DHRS9: variants seen among roughly 807,000 people sequenced by gnomAD.
DHRS9 encodes dehydrogenase/reductase 9, also known as dehydrogenase/reductase SDR family member 9.
DHRS9 carries 18 observed loss-of-function variants against 26.6 expected under a neutral mutation model. The observed-to-expected ratio is 0.68, with a 90% confidence interval of 0.47 to 1.00. DHRS9 has a LOEUF of 1.00. DHRS9 is among the 50% of genes least tolerant of loss of function. DHRS9 has a pLI of 0.00. For synonymous variants in DHRS9, 134 were observed against 141.1 expected (o/e 0.95, Z 0.36); for missense variants, 425 against 378.7 (o/e 1.12, Z -1.01).
chr2:169,081,870 G>A lies in DHRS9; in HGVS notation c.289G>A (p.Val97Met), dbSNP rs752680649. Residue 97 changes from valine to methionine, a missense_variant, in exon 2 of 5, where the codon GTG (valine) becomes ATG (methionine). Coordinates refer to ENST00000674881, the MANE Select transcript of DHRS9 (RefSeq NM_001376924.1). The part of the protein sequence containing the change: ...PENVKRTAQW[V>M]KNQVGEKGLW... ...GAATGTCAAGAGGACTGCCCAGTGG[G>A]TGAAGAACCAAGTTGGGGAGAAAGG... The A allele has an allele frequency of 6.2e-6, 10 of 1,608,860 alleles. No individual in the cohort carries two copies. In the Admixed American group the frequency reaches 6.7e-5, roughly 11 times the overall value.
intron 1 of DHRS9, among the ~76,000 whole-genome samples, chr2:169,080,047 A>AAGAAAGAAAGAAAGAAAGAG (rs1684135367): frequency 6.9e-6 from 1 of 144,156 alleles, no homozygotes; most frequent in African/African-American, 2.6e-5. Flanking sequence ...GAAAGAAAGA[A>AAGAAAGAAAGAAAGAAAGAG]AGAAAATAAA....
chr2:169,067,392 T>G (rs550235740), upstream of DHRS9: 4 of 1,385,950 alleles, frequency 2.9e-6, no homozygotes, highest in African/African-American at 5.8e-5. Flanking sequence ...CTGAGTTTCC[T>G]CCTTATGTTT....
Position 169,081,677 on chromosome 2 carries a change from T to A in DHRS9, c.96T>A (p.Ile32=). Residue 32 remains isoleucine, a synonymous_variant, in exon 2 of 5, where the codon ATT becomes ATA. Coordinates refer to ENST00000674881, the MANE Select transcript of DHRS9 (RefSeq NM_001376924.1). The part of the protein sequence containing the change: ...LKIEDITDKY[I]FITGCDSGFG... ...TTGAAGACATCACTGATAAGTACAT[T>A]TTTATCACTGGATGTGACTCGGGCT... 1 of 1,614,178 alleles carries A rather than the reference T, an allele frequency of 6.2e-7. No individual in the cohort carries two copies. Among genetic ancestry groups the A allele is most frequent in the Non-Finnish European group, 8.5e-7 (1 of 1,180,034 alleles).
rs939178980 is a variant in DHRS9, at chr2:169,086,983, T to C, written c.572+3396T>C. Among the ~76,000 whole-genome samples, 29 of 152,120 alleles carry C rather than the reference T, an allele frequency of 1.9e-4. 1 individual carries two copies. The highest frequency in any genetic ancestry group is 1.9e-3 in the Admixed American group (29 of 15,272). The stretch of plus-strand genomic sequence containing the variant: ...TCTGTAATATTGCCTGGCTACTGCC[T>C]ATGTTTACTCAAAGCCCTGAGGCTC... On this transcript the variant is annotated intron_variant, in intron 3 of 4. Coordinates refer to ENST00000674881, the MANE Select transcript of DHRS9 (RefSeq NM_001376924.1).
At chr2:169,078,874 A>T (rs564884023) in intron 1 of DHRS9, among the ~76,000 whole-genome samples, 1 of 124,844 alleles carries the variant, frequency 8.0e-6, no homozygotes, top group East Asian at 2.5e-4. Flanking sequence ...CCAGGGCTGG[A>T]GTGCAATGGC....
intron 1 of DHRS9, chr2:169,072,811 G>T (rs777292323): frequency 1.1e-4 from 25 of 236,822 alleles, no homozygotes; most frequent in Non-Finnish European, 1.4e-4. Flanking sequence ...TCTCTTTGCA[G>T]TTCTTCCTTC....
chr2:169,072,047 GTTT>G (rs939936600), intron 1 of DHRS9, among the ~76,000 whole-genome samples: 1 of 142,630 alleles, frequency 7.0e-6, no homozygotes, highest in East Asian at 2.0e-4. Context: ...ACAAAAACCA[GTTT>G]TTTTTTACTT....
chr2:169,071,427 CA>C (rs1223362655), intron 1 of DHRS9, among the ~76,000 whole-genome samples: 1 of 152,092 alleles, frequency 6.6e-6, no homozygotes, highest in Admixed American at 6.5e-5. Context: ...TGAAGGAAGG[CA>C]AAAGAAAATC....
At chr2:169,073,641 C>A (rs910019999) in intron 1 of DHRS9, among the ~76,000 whole-genome samples, 5 of 152,008 alleles carry the variant, frequency 3.3e-5, no homozygotes, top group Non-Finnish European at 7.4e-5. Flanking sequence ...GACACAGAGC[C>A]AAACCATATC....
In DHRS9 at chr2:169,095,933, C is replaced by G. The variant is rs1299956765; in HGVS notation, c.*166C>G. 1.5e-6 allele frequency: 1 copy of G among 662,530 alleles called. No homozygotes were observed. Among genetic ancestry groups the G allele is most frequent in the Non-Finnish European group, 2.6e-6 (1 of 385,022 alleles). The allele number at this position is 662,530 out of a possible 1,614,324, so 41.0% of individuals were successfully genotyped here. On this transcript the variant is annotated 3_prime_UTR_variant, in exon 5 of 5. Coordinates refer to ENST00000674881, the MANE Select transcript of DHRS9 (RefSeq NM_001376924.1). ...ACCATCGCTGGTGGTATCCCAGGGT[C>G]CCTGCTCAAGTTTTCTTTGAAAAGG... is the stretch of plus-strand genomic sequence containing the variant.
intron 1 of DHRS9, chr2:169,070,302 C>T (rs1683760443): frequency 1.9e-5 from 19 of 985,282 alleles, no homozygotes; most frequent in Non-Finnish European, 2.2e-5. Flanking sequence ...CAGCAATAAG[C>T]CTGCTTTAGA....
upstream of DHRS9, chr2:169,067,286 T>C (rs1294930720): frequency 3.9e-6 from 6 of 1,534,478 alleles, no homozygotes; most frequent in African/African-American, 4.1e-5. Context: ...TTTCCTCCAG[T>C]TGAAGCTCAT....
rs1419622491 is a variant in DHRS9, at chr2:169,096,089, A to G, written c.*322A>G. 13 of 336,118 alleles carry G rather than the reference A, an allele frequency of 3.9e-5. 1 individual carries two copies. The highest frequency in any genetic ancestry group is 2.3e-4 in the African/African-American group (11 of 47,910). The allele number at this position is 336,118 out of a possible 1,614,324, so 20.8% of individuals were successfully genotyped here. A position where few individuals can be genotyped will look rare whatever the true frequency, so the allele number is the denominator to read the frequency against. On this transcript the variant is annotated 3_prime_UTR_variant, in exon 5 of 5. Transcript: ENST00000674881. Reference sequence around the variant, plus strand: ...CTTTACCGTGGCCTGCCCCATGCTTATGGTCCCCAGCATTTACAGTAACTT... The same window carrying G: ...CTTTACCGTGGCCTGCCCCATGCTTGTGGTCCCCAGCATTTACAGTAACTT...
intron 3 of DHRS9, among the ~76,000 whole-genome samples, chr2:169,084,354 C>T (rs1309460275): frequency 6.6e-6 from 1 of 151,844 alleles, no homozygotes; most frequent in South Asian, 2.1e-4. Flanking sequence ...GGGTATATAC[C>T]CAGCAGCGGT....
intron 1 of DHRS9, among the ~76,000 whole-genome samples, chr2:169,076,614 C>A (rs1242745539): frequency 6.6e-6 from 1 of 152,176 alleles, no homozygotes; most frequent in Non-Finnish European, 1.5e-5. Context: ...CCAGCCTCTC[C>A]TTTTTCATAT....
intron 1 of DHRS9, among the ~76,000 whole-genome samples, chr2:169,078,611 C>A (rs370099064): frequency 6.6e-6 from 1 of 151,964 alleles, no homozygotes. Context: ...TATTTGAGAA[C>A]GGGAAATCTT....
chr2:169,081,428 C>T (rs1263488415), intron 1 of DHRS9, 95 bp from the exon 2 acceptor site: 30 of 1,368,012 alleles, frequency 2.2e-5, no homozygotes, highest in Non-Finnish European at 2.8e-5. Context: ...TATTTATCCA[C>T]ACTAATGCAT....
chr2:169,087,140 A>C (rs908191917), intron 3 of DHRS9, among the ~76,000 whole-genome samples: 1 of 152,202 alleles, frequency 6.6e-6, no homozygotes, highest in Non-Finnish European at 1.5e-5. Context: ...CAGAAACTTT[A>C]GGAATCTACC....
intron 4 of DHRS9, 138 bp from the exon 5 acceptor site, chr2:169,095,406 A>C: frequency 1.4e-6 from 1 of 725,444 alleles, no homozygotes; most frequent in Non-Finnish European, 2.4e-6. Context: ...AATAGATAGT[A>C]AATCCTCAAA....
Sources: allele counts gnomAD v4.1 joint callset (sites outside exome capture counted in the v4.1 genomes callset), GRCh38; gene constraint gnomAD v4.1.1; transcripts MANE v1.5; gene names NCBI Gene and HGNC (gene_info 2026-07-23, HGNC 2026-07-21).